Variants in DLGAP3 observed in about 807,000 individuals in gnomAD.
The protein encoded by DLGAP3 is DLG associated protein 3, also known as disks large-associated protein 3.
Under a neutral mutation model 81.2 loss-of-function variants are expected in DLGAP3, and 17 were observed. The ratio of observed to expected loss-of-function variants is 0.21; its 90% confidence interval spans 0.14 to 0.31. The LOEUF (loss-of-function observed/expected upper bound fraction) is 0.31, where lower values mean the gene tolerates loss of function less well. Ranked by LOEUF, DLGAP3 falls within the 10% of genes least tolerant of loss-of-function variation. The pLI is 1.00. For missense variants in DLGAP3, 1,124 were observed against 1,388.0 expected (o/e 0.81, Z 3.02); for synonymous variants, 577 against 587.4 (o/e 0.98, Z 0.26).
intron 5 of DLGAP3, among the ~76,000 whole-genome samples, chr1:34,891,667 T>G (rs571803132): frequency 2.6e-5 from 4 of 151,990 alleles, no homozygotes; most frequent in Admixed American, 1.3e-4. Context: ...AACTTTGCCC[T>G]CCCCAGCTCA....
intron 1 of DLGAP3, among the ~76,000 whole-genome samples, chr1:34,912,820 G>A (rs1455966813): frequency 6.6e-6 from 1 of 152,174 alleles, no homozygotes; most frequent in African/African-American, 2.4e-5. Context: ...CAGAGCCTCT[G>A]ACCTGCAGCT....
At chr1:34,926,427 G>A (rs903504173) in intron 1 of DLGAP3, among the ~76,000 whole-genome samples, 1 of 152,220 alleles carries the variant, frequency 6.6e-6, no homozygotes, top group Non-Finnish European at 1.5e-5. Context: ...GGCCCGCTGA[G>A]CCAGCAGCCT....
rs924567010 is a variant in DLGAP3 at position 34,867,466 on chromosome 1, G to C, written c.2577+70C>G. On this transcript the variant is annotated intron_variant, in intron 10 of 11. Coordinates refer to ENST00000373347, the MANE Select transcript of DLGAP3 (RefSeq NM_001080418.3). The surrounding 1 kb of genome is among the most constrained non-coding windows in gnomAD (Gnocchi z 4.3). ...CACACTCACTCTGGGTCACCTGCCTGTCTCACCTCCAGCACACACACACTC... is the reference window on the plus strand; with the variant it reads ...CACACTCACTCTGGGTCACCTGCCTCTCTCACCTCCAGCACACACACACTC... The C allele has an allele frequency of 5.0e-6, 7 of 1,391,460 alleles. No homozygotes were observed. The highest frequency in any genetic ancestry group is 1.7e-5 in the Admixed American group (1 of 59,718). The allele number at this position is 1,391,460 out of a possible 1,614,324, so 86.2% of individuals were successfully genotyped here.
At chr1:34,885,316 G>A (rs932363801) in intron 7 of DLGAP3, among the ~76,000 whole-genome samples, 162 bp downstream of exon 7, 13 of 152,254 alleles carry the variant, frequency 8.5e-5, no homozygotes, top group Non-Finnish European at 1.9e-4. Context: ...GTGGGCGGGG[G>A]CTGGCTGGAG....
chr1:34,909,302 T>C (rs1639605380), intron 1 of DLGAP3, among the ~76,000 whole-genome samples: 1 of 152,150 alleles, frequency 6.6e-6, no homozygotes, highest in Non-Finnish European at 1.5e-5. Context: ...GGCCCTATAA[T>C]TGCTGCTCTC....
At chr1:34,893,679 T>C (rs941101989) in intron 5 of DLGAP3, among the ~76,000 whole-genome samples, 6 of 147,584 alleles carry the variant, frequency 4.1e-5, no homozygotes, top group Non-Finnish European at 9.0e-5. Context: ...AATGCTCCTA[T>C]ATTTTACCAT....
chr1:34,876,461 G>A (rs1639058652), intron 8 of DLGAP3, among the ~76,000 whole-genome samples: 1 of 152,246 alleles, frequency 6.6e-6, no homozygotes, highest in South Asian at 2.1e-4. Context: ...GCTGGGCTGT[G>A]TGTGGCGGGC....
intron 8 of DLGAP3, among the ~76,000 whole-genome samples, chr1:34,884,045 A>G (rs1227145250): frequency 1.3e-5 from 2 of 151,950 alleles, no homozygotes; most frequent in Non-Finnish European, 2.9e-5. Flanking sequence ...CAGCCTCTCG[A>G]GCAGCTGAGA....
chr1:34,875,411 T>C (rs1639036695), intron 8 of DLGAP3, among the ~76,000 whole-genome samples: 1 of 152,236 alleles, frequency 6.6e-6, no homozygotes, highest in Non-Finnish European at 1.5e-5. Flanking sequence ...GTCCCAAATA[T>C]TGCATGTGAC....
In DLGAP3 at chr1:34,900,119, G is replaced by T; in HGVS notation, c.1262C>A (p.Ala421Asp). 1 of 1,614,002 alleles carries T rather than the reference G, an allele frequency of 6.2e-7. No individual in the cohort carries two copies. The highest frequency in any genetic ancestry group is 1.1e-5 in the South Asian group (1 of 91,084). Residue 421 changes from alanine (A) to aspartate (D), a missense_variant, in exon 4 of 12, where the codon GCC becomes GAC. Physicochemically the swap from Ala to Asp is moderately radical, Grantham distance 126. Transcript: ENST00000373347. The surrounding 1 kb of genome is among the most constrained non-coding windows in gnomAD (Gnocchi z 5.6). ...GSPKTSPKAVARRFTTRRSSS... is the reference protein window; with the variant it reads ...GSPKTSPKAVDRRFTTRRSSS... Reference sequence around the variant, plus strand: ...GGAGCGACGGGTGGTGAAGCGTCGGGCGACTGCTTTGGGAGATGTCTTGGG... The same window carrying T: ...GGAGCGACGGGTGGTGAAGCGTCGGTCGACTGCTTTGGGAGATGTCTTGGG...
At chr1:34,920,005 G>A (rs191187554) in intron 1 of DLGAP3, among the ~76,000 whole-genome samples, 1 of 152,284 alleles carries the variant, frequency 6.6e-6, no homozygotes. Flanking sequence ...GGAGAAGAAG[G>A]GAAGAGGTTG....
In DLGAP3 at chr1:34,867,012, G is replaced by A. The variant is rs749835628; in HGVS notation, c.2721+36C>T. On this transcript the variant is annotated intron_variant, in intron 11 of 11. Transcript: ENST00000373347. The surrounding 1 kb of genome is among the most constrained non-coding windows in gnomAD (Gnocchi z 4.3). ...TCTCTGGGGAGGGGAATTTCCCAGA[G>A]TCTGGCCTCTTTGCCTGAAGGCACC... 3.7e-6 allele frequency: 6 copies of A among 1,613,710 alleles called. No individual in the cohort carries two copies. The South Asian group carries it at 4.4e-5, about 12-fold the overall frequency.
chr1:34,926,029 T>C (rs1639867051), intron 1 of DLGAP3, among the ~76,000 whole-genome samples: 1 of 152,240 alleles, frequency 6.6e-6, no homozygotes, highest in Non-Finnish European at 1.5e-5. Context: ...GGCTGCTGTG[T>C]AAAAACACAT....
intron 1 of DLGAP3, among the ~76,000 whole-genome samples, chr1:34,924,644 A>G (rs1382392647): frequency 6.6e-6 from 1 of 152,180 alleles, no homozygotes; most frequent in Non-Finnish European, 1.5e-5. Flanking sequence ...GCTGGTATCA[A>G]TATCTCTGAG....
At chr1:34,871,812 G>A (rs775146209) in intron 8 of DLGAP3, among the ~76,000 whole-genome samples, 6 of 152,114 alleles carry the variant, frequency 3.9e-5, no homozygotes, top group African/African-American at 1.2e-4. Context: ...CCATACTGCC[G>A]GGAACAGAAG....
chr1:34,869,652 T>G (rs1638950657), intron 8 of DLGAP3, among the ~76,000 whole-genome samples: 1 of 152,034 alleles, frequency 6.6e-6, no homozygotes, highest in Non-Finnish European at 1.5e-5. Context: ...TTTTGTCTCT[T>G]TTTGGAAGAG....
intron 8 of DLGAP3, among the ~76,000 whole-genome samples, chr1:34,869,324 A>G (rs566310243): frequency 3.4e-4 from 52 of 152,142 alleles, no homozygotes; most frequent in Non-Finnish European, 7.1e-4. Context: ...AGTTCAGTCC[A>G]TGGACAGAGC....
intron 8 of DLGAP3, among the ~76,000 whole-genome samples, chr1:34,874,281 G>A (rs1639019198): frequency 2.0e-5 from 3 of 152,300 alleles, no homozygotes; most frequent in Admixed American, 2.0e-4. Flanking sequence ...TTTCCTCTAA[G>A]TAAGAGAGAA....
Position 34,929,430 on chromosome 1 carries a change from C to T in DLGAP3, c.-135+21G>A, listed in dbSNP as rs944714518. 1 of 148,154 alleles carries T rather than the reference C, an allele frequency of 6.7e-6. No individual in the cohort carries two copies. The highest frequency in any genetic ancestry group is 1.5e-5 in the Non-Finnish European group (1 of 66,400). 9.2% of individuals were successfully genotyped at this position (148,154 alleles called of 1,614,324 possible). Reference sequence around the variant, plus strand: ...GGGAGCCGCGAGCGCGGCCCCGTCCCCACTCCTCCCCGCGGCTTACCTGGC... The same window carrying T: ...GGGAGCCGCGAGCGCGGCCCCGTCCTCACTCCTCCCCGCGGCTTACCTGGC... On this transcript the variant is annotated intron_variant, in intron 1 of 11. Transcript: ENST00000373347. This position sits in a 1 kb window ranked among gnomAD's most constrained non-coding sequence, Gnocchi z 6.5.
Sources: allele counts gnomAD v4.1 joint callset (sites outside exome capture counted in the v4.1 genomes callset), GRCh38; gene constraint gnomAD v4.1.1; non-coding constraint Gnocchi (gnomAD v3.1); transcripts MANE v1.5; gene names NCBI Gene and HGNC (gene_info 2026-07-23, HGNC 2026-07-21).